TGFBR3: variants seen among roughly 807,000 people sequenced by gnomAD.
The protein encoded by TGFBR3 is transforming growth factor beta receptor type 3.
TGFBR3 carries 46 observed loss-of-function variants against 87.9 expected under a neutral mutation model. That is an observed-to-expected ratio of 0.52 (90% CI 0.41 to 0.67). The LOEUF (loss-of-function observed/expected upper bound fraction) is 0.67. Ranked by LOEUF, TGFBR3 falls within the 30% of genes least tolerant of loss-of-function variation. TGFBR3 has a pLI of 0.00. For missense variants in TGFBR3, 866 were observed against 1,041.9 expected (o/e 0.83, Z 2.32); for synonymous variants, 381 against 391.6 (o/e 0.97, Z 0.32).
intron 2 of TGFBR3, among the ~76,000 whole-genome samples, chr1:91,834,740 G>A (rs111284057): frequency 0.011 from 1,621 of 152,228 alleles, 42 homozygotes; most frequent in African/African-American, 0.037. Flanking sequence ...GTGCAATGGC[G>A]CAATCTTGGC....
chr1:91,858,826 G>T (rs1261639818), intron 2 of TGFBR3, among the ~76,000 whole-genome samples: 1 of 151,648 alleles, frequency 6.6e-6, no homozygotes, highest in African/African-American at 2.4e-5. Flanking sequence ...GAGGCTGAAG[G>T]GGGTGGATCA....
intron 1 of TGFBR3, among the ~76,000 whole-genome samples, chr1:91,862,935 G>A (rs1678254498): frequency 6.6e-6 from 1 of 152,118 alleles, no homozygotes; most frequent in Non-Finnish European, 1.5e-5. Flanking sequence ...AAGCCAATGT[G>A]GGCGCTTGTA....
chr1:91,798,824 G>C (rs948499050), intron 2 of TGFBR3, among the ~76,000 whole-genome samples: 1 of 152,164 alleles, frequency 6.6e-6, no homozygotes, highest in Non-Finnish European at 1.5e-5. Flanking sequence ...CAGTGAGTAG[G>C]GCACCATTCC....
chr1:91,736,318 C>T (rs1334719454), intron 4 of TGFBR3, among the ~76,000 whole-genome samples: 1 of 149,950 alleles, frequency 6.7e-6, no homozygotes, highest in East Asian at 2.0e-4. Context: ...CACTTGACAG[C>T]ACTGATACGT....
chr1:91,898,083 C>A (rs1375906367), intron 2 of TGFBR3, among the ~76,000 whole-genome samples: 2 of 151,692 alleles, frequency 1.3e-5, no homozygotes, highest in African/African-American at 4.8e-5. Flanking sequence ...ATTAGTCACC[C>A]CTAGAAAGTA....
chr1:91,827,861 T>C, intron 2 of TGFBR3, among the ~76,000 whole-genome samples: 1 of 152,208 alleles, frequency 6.6e-6, no homozygotes, highest in South Asian at 2.1e-4. Context: ...CACTACTCAG[T>C]GAATGAATCG....
intron 2 of TGFBR3, among the ~76,000 whole-genome samples, chr1:91,899,478 C>T (rs1679643477): frequency 6.6e-6 from 1 of 152,066 alleles, no homozygotes. Flanking sequence ...TGCACTCCAG[C>T]CTGGGCAACA....
chr1:91,882,853 C>T (rs1441847144), intron 1 of TGFBR3, among the ~76,000 whole-genome samples: 1 of 152,146 alleles, frequency 6.6e-6, no homozygotes, highest in African/African-American at 2.4e-5. Flanking sequence ...CACACTTATA[C>T]TAGTATCAAA....
At chr1:91,893,641 T>C (rs375965875) in intron 2 of TGFBR3, among the ~76,000 whole-genome samples, 1 of 152,248 alleles carries the variant, frequency 6.6e-6, no homozygotes, top group East Asian at 1.9e-4. Flanking sequence ...GTTTTTATGT[T>C]GTATTTTTTA....
intron 14 of TGFBR3, 100 bp downstream of exon 14, chr1:91,708,563 G>C (rs749250372): frequency 6.3e-6 from 10 of 1,588,158 alleles, no homozygotes; most frequent in Non-Finnish European, 8.6e-6. Context: ...TGGCCCTTTA[G>C]TTATCTTGTG....
intron 3 of TGFBR3, among the ~76,000 whole-genome samples, chr1:91,771,309 T>C (rs1293191294): frequency 6.6e-6 from 1 of 152,208 alleles, no homozygotes; most frequent in East Asian, 1.9e-4. Flanking sequence ...TTTTAAGATA[T>C]ACTTTATGTA....
At chr1:91,782,732 C>T (rs554682304) in intron 3 of TGFBR3, among the ~76,000 whole-genome samples, 11 of 100,826 alleles carry the variant, frequency 1.1e-4, no homozygotes, top group South Asian at 4.2e-4. Context: ...CTGAGAGGTA[C>T]GACAGCTCAC....
chr1:91,880,118 C>A (rs980378793), intron 1 of TGFBR3, among the ~76,000 whole-genome samples: 1 of 152,112 alleles, frequency 6.6e-6, no homozygotes, highest in Admixed American at 6.6e-5. Context: ...GCTGAAGGCT[C>A]ACTATTATGT....
chr1:91,689,990 C>T (rs1322430470), intron 16 of TGFBR3, among the ~76,000 whole-genome samples: 2 of 151,096 alleles, frequency 1.3e-5, no homozygotes, highest in Non-Finnish European at 2.9e-5. Context: ...ACAAAGATAA[C>T]AAAAGTAAAG....
At chr1:91,715,765 C>T (rs1433516589) in intron 12 of TGFBR3, among the ~76,000 whole-genome samples, 1 of 151,762 alleles carries the variant, frequency 6.6e-6, no homozygotes, top group Non-Finnish European at 1.5e-5. Flanking sequence ...AAAGTGAGTG[C>T]AATTTAAAAG....
At chr1:91,735,009 A>C (rs1378907273) in intron 4 of TGFBR3, 50 bp from the exon 5 acceptor site, 3 of 1,599,928 alleles carry the variant, frequency 1.9e-6, no homozygotes, top group African/African-American at 2.7e-5. Flanking sequence ...ACCGGAGCTG[A>C]ATCATAATTA....
chr1:91,841,726 G>A (rs532078263), intron 2 of TGFBR3, among the ~76,000 whole-genome samples: 53 of 148,394 alleles, frequency 3.6e-4, no homozygotes, highest in African/African-American at 1.2e-3. Flanking sequence ...CCTGGGAGGC[G>A]AAGGTTGCTG....
At chr1:91,695,501 A>G (rs1671404222) in intron 16 of TGFBR3, 171 bp downstream of exon 16, 1 of 677,574 alleles carries the variant, frequency 1.5e-6, no homozygotes, top group African/African-American at 1.8e-5. Flanking sequence ...TCCACTGTTT[A>G]TGGCAAATTA....
chr1:91,815,039 C>T (rs371067335), intron 2 of TGFBR3, among the ~76,000 whole-genome samples: 4 of 152,136 alleles, frequency 2.6e-5, no homozygotes, highest in African/African-American at 4.8e-5. Context: ...CAGTGGCTCA[C>T]GCCTGTAATC....
Sources: gnomAD v4.1 joint callset for allele counts (sites outside exome capture counted in the v4.1 genomes callset) on GRCh38, gnomAD v4.1.1 for gene constraint, MANE v1.5 for transcripts, NCBI Gene and HGNC (gene_info 2026-07-23, HGNC 2026-07-21) for gene names.